The following ZNF564 variants were observed in gnomAD, a reference collection of about 807,000 sequenced individuals.
The protein encoded by ZNF564 is zinc finger protein 564.
ZNF564 carries 5 observed loss-of-function variants against 10.5 expected under a neutral mutation model. The ratio of observed to expected loss-of-function variants is 0.48; its 90% CI spans 0.25 to 1.00. ZNF564 has a LOEUF of 1.00. Ranked by LOEUF, ZNF564 falls within the 50% of genes least tolerant of loss-of-function variation. The pLI, the probability that ZNF564 is intolerant of heterozygous loss-of-function variation, is 0.16. For synonymous variants in ZNF564, 242 were observed against 218.1 expected, an observed-to-expected ratio of 1.11 and a Z score of -0.97; for missense variants, 603 against 669.7, an observed-to-expected ratio of 0.90 and a Z score of 1.10.
At chr19:12,549,526 G>T (rs538754961) in intron 1 of ZNF564, among the ~76,000 whole-genome samples, 1 of 152,328 alleles carries the variant, frequency 6.6e-6, no homozygotes, top group South Asian at 2.1e-4. Context: ...CTTTGAGATA[G>T]TTTTCCTCCC....
In ZNF564 at chr19:12,527,031, GTGAGTCCTTTCA is replaced by G; in HGVS notation, c.1065_1076del (p.Glu356_His359del). 6.2e-7 allele frequency: 1 copy of G among 1,613,996 alleles called. No individual in the cohort carries two copies. Among genetic ancestry groups the G allele is most frequent in the East Asian group, 2.2e-5 (1 of 44,830 alleles). On this transcript the variant is annotated inframe_deletion, in exon 4 of 4. Transcript: ENST00000339282. Reference sequence around the variant, plus strand: ...TACATTCATAGGGCTTCTCTCCAGTGTGAGTCCTTTCATGTGTTCGAACATTACTGGAAGAAC... The same window carrying G: ...TACATTCATAGGGCTTCTCTCCAGTGTGTGTTCGAACATTACTGGAAGAAC...
chr19:12,544,075 T>C (rs1368117644), intron 1 of ZNF564, among the ~76,000 whole-genome samples: 1 of 152,154 alleles, frequency 6.6e-6, no homozygotes, highest in Admixed American at 6.6e-5. Context: ...AAACTACATG[T>C]GTGCTGTTCA....
At chr19:12,542,006 A>C (rs1185326280) in intron 1 of ZNF564, among the ~76,000 whole-genome samples, 1 of 100,308 alleles carries the variant, frequency 1.0e-5, no homozygotes. Flanking sequence ...ACAGAGCGAG[A>C]CTCTGTCCAA....
intron 1 of ZNF564, among the ~76,000 whole-genome samples, chr19:12,540,077 G>A (rs1319467260): frequency 6.6e-6 from 1 of 152,072 alleles, no homozygotes; most frequent in Non-Finnish European, 1.5e-5. Context: ...ATATGTAACT[G>A]ACTGGCTTAA....
chr19:12,528,170 T>C, intron 3 of ZNF564, 134 bp downstream of exon 3: 1 of 956,572 alleles, frequency 1.0e-6, no homozygotes, highest in East Asian at 2.5e-5. Flanking sequence ...TCTATGCCAC[T>C]TTTTCTTTTT....
At chr19:12,539,747 G>A (rs1016177057) in intron 1 of ZNF564, among the ~76,000 whole-genome samples, 1 of 151,670 alleles carries the variant, frequency 6.6e-6, no homozygotes, top group African/African-American at 2.4e-5. Context: ...AGGCTGAGGT[G>A]GGCGGATCAC....
At chr19:12,543,690 A>AG (rs1251004650) in intron 1 of ZNF564, among the ~76,000 whole-genome samples, 1 of 148,118 alleles carries the variant, frequency 6.8e-6, no homozygotes, top group Non-Finnish European at 1.5e-5. Flanking sequence ...AAAAAAAAAA[A>AG]AAAAAACAAC....
intron 1 of ZNF564, among the ~76,000 whole-genome samples, chr19:12,551,022 T>A (rs2022246994): frequency 6.6e-6 from 1 of 152,228 alleles, no homozygotes; most frequent in Non-Finnish European, 1.5e-5. Context: ...GATTCCGCCT[T>A]ATGACCCTCC....
intron 1 of ZNF564, among the ~76,000 whole-genome samples, chr19:12,535,113 C>A (rs137932236): frequency 1.3e-5 from 2 of 152,154 alleles, no homozygotes; most frequent in African/African-American, 4.8e-5. Flanking sequence ...GTGGCTCACA[C>A]CTGTAATCCC....
Position 12,540,928 on chromosome 19 carries a change from C to T in ZNF564, c.3+10402G>A, listed in dbSNP as rs376809616. ...TCGAGAGGCTGAGGTAGGAGAATTGCTTGAACCCAAGAGTGGAGGTTGCGG... is the reference window on the plus strand; with the variant it reads ...TCGAGAGGCTGAGGTAGGAGAATTGTTTGAACCCAAGAGTGGAGGTTGCGG... On this transcript the variant is annotated intron_variant, in intron 1 of 3. Coordinates refer to ENST00000339282, the MANE Select transcript of ZNF564 (RefSeq NM_144976.4). Among the ~76,000 whole-genome samples, 5 of 150,864 alleles carry T rather than the reference C, an allele frequency of 3.3e-5. No homozygotes were observed. The East Asian group carries it at 9.8e-4, about 30-fold the overall frequency.
intron 3 of ZNF564, 24 bp downstream of exon 3, chr19:12,528,280 C>T: frequency 6.3e-7 from 1 of 1,597,710 alleles, no homozygotes; most frequent in South Asian, 1.1e-5. Context: ...GGAGACATTG[C>T]TTTATCTTGT....
chr19:12,550,938 G>A (rs1372099747), intron 1 of ZNF564, among the ~76,000 whole-genome samples: 9 of 152,286 alleles, frequency 5.9e-5, no homozygotes, highest in South Asian at 2.1e-4. Flanking sequence ...CCAGTCCCCC[G>A]GAAAAAAAGA....
intron 1 of ZNF564, among the ~76,000 whole-genome samples, chr19:12,540,621 A>G (rs143222925): frequency 0.02 from 3,015 of 152,164 alleles, 39 homozygotes; most frequent in Non-Finnish European, 0.029. Context: ...TTGGGAGGCC[A>G]AGGCGGGCAG....
chr19:12,532,588 G>T (rs930068782), intron 1 of ZNF564, among the ~76,000 whole-genome samples: 1 of 148,280 alleles, frequency 6.7e-6, no homozygotes, highest in Non-Finnish European at 1.5e-5. Flanking sequence ...ACCAGTTGGG[G>T]TATCACAAAC....
intron 1 of ZNF564, among the ~76,000 whole-genome samples, chr19:12,538,145 C>T (rs1213353647): frequency 6.6e-6 from 1 of 151,562 alleles, no homozygotes; most frequent in South Asian, 2.1e-4. Context: ...ATTCAACATA[C>T]GAATATACAT....
Position 12,543,673 on chromosome 19 carries a change from CAAAAAAAAAAAA to C in ZNF564, c.3+7645_3+7656del, listed in dbSNP as rs57611686. Reference sequence around the variant, plus strand: ...GGGGCAACAAAGCGAGACTTCGTCTCAAAAAAAAAAAAAAAAAAAAAAACAACTGAAATAGGA... The same window carrying C: ...GGGGCAACAAAGCGAGACTTCGTCTCAAAAAAAAAAACAACTGAAATAGGA... On this transcript the variant is annotated intron_variant, in intron 1 of 3. Transcript: ENST00000339282. Among the ~76,000 whole-genome samples, 7 of 62,244 alleles carry C rather than the reference CAAAAAAAAAAAA, an allele frequency of 1.1e-4. No individual in the cohort carries two copies. The South Asian group carries it at 2.5e-3, about 22-fold the overall frequency. The allele number at this position is 62,244 out of a possible 152,430, so 40.8% of individuals were successfully genotyped here.
intron 1 of ZNF564, among the ~76,000 whole-genome samples, chr19:12,542,308 C>CAAAAAAA (rs35733202): frequency 1.6e-5 from 1 of 63,168 alleles, no homozygotes; most frequent in Admixed American, 2.1e-4. Context: ...GACTCTGTCT[C>CAAAAAAA]AAAAAAAAAA....
intron 1 of ZNF564, among the ~76,000 whole-genome samples, chr19:12,535,589 T>G (rs1259601381): frequency 6.6e-6 from 1 of 152,040 alleles, no homozygotes. Flanking sequence ...CTAACAGAAA[T>G]AACACATGTC....
At chr19:12,534,148 G>A (rs1055074801) in intron 1 of ZNF564, among the ~76,000 whole-genome samples, 1 of 151,994 alleles carries the variant, frequency 6.6e-6, no homozygotes, top group Non-Finnish European at 1.5e-5. Flanking sequence ...ACCAGAAACA[G>A]GGTAAGAATG....
Sources: allele counts gnomAD v4.1 joint callset (sites outside exome capture counted in the v4.1 genomes callset), GRCh38; gene constraint gnomAD v4.1.1; transcripts MANE v1.5; gene names NCBI Gene and HGNC (gene_info 2026-07-23, HGNC 2026-07-21).